The following CFP variants were observed in gnomAD, a reference collection of about 807,000 sequenced individuals.
CFP encodes the protein complement factor properdin, also known as properdin.
Under a neutral mutation model 42.1 loss-of-function variants are expected in CFP, and 14 were observed. The ratio of observed to expected loss-of-function variants is 0.33; its 90% CI spans 0.22 to 0.52. The LOEUF (loss-of-function observed/expected upper bound fraction) is 0.52, where lower values mean the gene tolerates loss of function less well. Among genes scored for constraint, CFP ranks in the 20% least tolerant of loss-of-function variants. The pLI, the probability that CFP is intolerant of heterozygous loss-of-function variation, is 0.96. For synonymous variants in CFP, 149 were observed against 160.6 expected, an observed-to-expected ratio of 0.93 and a Z score of 0.54; for missense variants, 318 against 400.4, an observed-to-expected ratio of 0.79 and a Z score of 1.76.
At chrX:47,624,618 A>T (rs1192314252) in intron 8 of CFP, 178 bp from the exon 9 acceptor site, 1 of 399,854 alleles carries the variant, frequency 2.5e-6, no homozygotes, top group African/African-American at 2.9e-5. Flanking sequence ...GCAGTGGCAC[A>T]ATCATAGCTC....
chrX:47,625,266 A>C (rs999113595), intron 8 of CFP: 2 of 111,554 alleles, frequency 1.8e-5, no homozygotes, highest in African/African-American at 6.6e-5. Flanking sequence ...TCTAATCTTC[A>C]GGCCCCACTC....
At chrX:47,628,042 A>G in intron 3 of CFP, 60 bp downstream of exon 3, 1 of 1,172,943 alleles carries the variant, frequency 8.5e-7, no homozygotes, top group East Asian at 3.0e-5. Flanking sequence ...CTCTGTACCG[A>G]TCGTTCCCAC....
In CFP at chrX:47,627,410, T is replaced by C. The variant is rs911577068; in HGVS notation, c.574+61A>G. Reference sequence around the variant, plus strand: ...TCCTCTCAGCCTGGCAGTTCCCTGCTGTAACCCCGCAGACCCACGCTGGGT... The same window carrying C: ...TCCTCTCAGCCTGGCAGTTCCCTGCCGTAACCCCGCAGACCCACGCTGGGT... On this transcript the variant is annotated intron_variant, in intron 4 of 8. Transcript: ENST00000396992. 2.5e-6 allele frequency: 3 copies of C among 1,200,556 alleles called. No homozygotes were observed. The African/African-American group carries it at 5.2e-5, about 21-fold the overall frequency.
At chrX:47,626,694 G>A (rs2057969808) in intron 6 of CFP, 79 bp downstream of exon 6, 4 of 1,108,171 alleles carry the variant, frequency 3.6e-6, no homozygotes, top group African/African-American at 3.6e-5. Context: ...CAGGAACAAG[G>A]CCTCAGCAGC....
chrX:47,627,134 G>C lies in CFP; in HGVS notation c.766+7C>G. 1 of 1,211,098 alleles carries C rather than the reference G, an allele frequency of 8.3e-7. No homozygotes were observed. Among genetic ancestry groups the C allele is most frequent in the Non-Finnish European group, 1.1e-6 (1 of 894,863 alleles). ...CCAGCAACATCAGCAGCCTCATCCT[G>C]GTGTACCTGGGCAGGGTGGCAGGCC... On this transcript the variant is annotated splice_region_variant and intron_variant, in intron 5 of 8. Transcript: ENST00000396992.
In CFP at chrX:47,625,836, T is replaced by A. The variant is rs767499808; in HGVS notation, c.1244+222A>T. 1.6e-5 allele frequency: 7 copies of A among 446,961 alleles called. No homozygotes were observed. In the East Asian group the frequency reaches 2.7e-4, roughly 17 times the overall value. The allele number at this position is 446,961 out of a possible 1,213,427, so 36.8% of individuals were successfully genotyped here. A position where few individuals can be genotyped will look rare whatever the true frequency, so the allele number is the denominator to read the frequency against. On this transcript the variant is annotated intron_variant, in intron 8 of 8. Coordinates refer to ENST00000396992, the MANE Select transcript of CFP (RefSeq NM_001145252.3). Reference sequence around the variant, plus strand: ...ACACATGAAGGACTAAGTGGATGAGTGACTGAACAGGTGACTGAGGGGCAC... The same window carrying A: ...ACACATGAAGGACTAAGTGGATGAGAGACTGAACAGGTGACTGAGGGGCAC...
In CFP at chrX:47,627,343, G is replaced by A. The variant is rs1159071589; in HGVS notation, c.575-11C>T. The A allele has an allele frequency of 5.0e-6, 6 of 1,188,496 alleles. No individual in the cohort carries two copies. The highest frequency in any genetic ancestry group is 6.8e-6 in the Non-Finnish European group (6 of 881,185). ...CCCAGGCCCCGTGTGCTGTGGTGGG[G>A]TGGGAGGTGGAGGGATGCAGGTGTG... On this transcript the variant is annotated splice_polypyrimidine_tract_variant and intron_variant, in intron 4 of 8. Transcript: ENST00000396992.
chrX:47,623,982 G>C lies in CFP; in HGVS notation c.*293C>G, dbSNP rs966412285. The C allele has an allele frequency of 8.8e-6, 3 of 340,594 alleles. No homozygotes were observed. The highest frequency in any genetic ancestry group is 9.3e-5 in the Admixed American group (2 of 21,460). The allele number at this position is 340,594 out of a possible 1,213,427, so 28.1% of individuals were successfully genotyped here. On this transcript the variant is annotated 3_prime_UTR_variant, in exon 9 of 9. Transcript: ENST00000396992. ...TGCCGGGCGGCCCTGAGGCTCTAAG[G>C]GGGCTGCGCAGGGCCCAGACATTGG...
chrX:47,624,566 T>TC, intron 8 of CFP, 126 bp from the exon 9 acceptor site: 1 of 604,265 alleles, frequency 1.7e-6, no homozygotes, highest in East Asian at 3.7e-5. Context: ...TTTCCTTTTT[T>TC]TTTTTTGAGG....
Position 47,627,543 on chromosome X carries a change from G to A in CFP, c.502C>T (p.Pro168Ser), listed in dbSNP as rs763903539. ...TRRRACNHPA[P>S]KCGGHCPGQA... is the part of the protein sequence containing the mutation. ...CCTGGGCAGTGGCCCCCACACTTGG[G>A]AGCAGGGTGATTACAGGCTCGCCTG... The change falls in exon 4 of 9, where the codon CCC becomes TCC. Residue 168 changes from proline (P) to serine (S), a missense_variant. Coordinates refer to ENST00000396992, the MANE Select transcript of CFP (RefSeq NM_001145252.3). 3 of 1,210,377 alleles carry A rather than the reference G, an allele frequency of 2.5e-6. No individual in the cohort carries two copies. Among genetic ancestry groups the A allele is most frequent in the Non-Finnish European group, 3.4e-6 (3 of 894,771 alleles).
At chrX:47,626,730 A>AG in intron 6 of CFP, 43 bp downstream of exon 6, 2 of 1,176,037 alleles carry the variant, frequency 1.7e-6, no homozygotes, top group Non-Finnish European at 2.3e-6. Flanking sequence ...GAGAAGGGCA[A>AG]GGGGGACTTA....
rs8177077 is a variant in CFP, at chrX:47,627,159, C to T, written c.748G>A (p.Gly250Ser). The T allele has an allele frequency of 7.4e-4, 896 of 1,210,675 alleles. 2 individuals carry two copies. The African/African-American group carries it at 0.011, about 15-fold the overall frequency. ...GLAYEQRRCTGLPPCPVAGGW... is the reference protein window; with the variant it reads ...GLAYEQRRCTSLPPCPVAGGW... ...GGTGTACCTGGGCAGGGTGGCAGGC[C>T]GGTGCACCTCCGCTGCTCGTAGGCT... Residue 250 changes from glycine to serine, a missense_variant, in exon 5 of 9, where the codon GGC (glycine) becomes AGC (serine). Coordinates refer to ENST00000396992, the MANE Select transcript of CFP (RefSeq NM_001145252.3).
In CFP at chrX:47,627,452, TG is replaced by T. The variant is rs1253782215; in HGVS notation, c.574+18del. 4 of 1,210,172 alleles carry T rather than the reference TG, an allele frequency of 3.3e-6. No individual in the cohort carries two copies. The highest frequency in any genetic ancestry group is 4.6e-4 in the Middle Eastern group (2 of 4,368). On this transcript the variant is annotated intron_variant, in intron 4 of 8. Coordinates refer to ENST00000396992, the MANE Select transcript of CFP (RefSeq NM_001145252.3). ...ACGCTGGGTGCACCCATCAGCATCC[TG>T]TGGCTTCCCTCACTCACTGGGGCAG...
Position 47,626,122 on chromosome X carries a change from G to T in CFP, c.1180C>A (p.Pro394Thr). ...EWSTWGLCMP[P>T]CGPNPTRARQ... is the part of the protein sequence containing the mutation. ...GCACGGGTAGGATTAGGTCCACAGG[G>T]GGGCATGCACAGCCCCCAGGTACTC... Residue 394 changes from proline to threonine, a missense_variant, in exon 8 of 9, where the codon CCC becomes ACC. Transcript: ENST00000396992. 8.5e-7 allele frequency: 1 copy of T among 1,180,051 alleles called. No individual in the cohort carries two copies. Among genetic ancestry groups the T allele is most frequent in the East Asian group, 3.1e-5 (1 of 32,151 alleles).
chrX:47,630,185 T>A, upstream of CFP: 1 of 299,765 alleles, frequency 3.3e-6, no homozygotes, highest in Non-Finnish European at 6.0e-6. Context: ...TGACCTTGGG[T>A]GAGTCACTTA....
chrX:47,624,442 TG>T lies in CFP; in HGVS notation c.1245-3del. ...CCTTCGACCATGGAAACGGTGGGCC[TG>T]AGGCATTAGGGGTGGGGAGGAACGG... On this transcript the variant is annotated splice_region_variant and splice_polypyrimidine_tract_variant and intron_variant, in intron 8 of 8. Transcript: ENST00000396992. 1 of 1,207,042 alleles carries T rather than the reference TG, an allele frequency of 8.3e-7. No individual in the cohort carries two copies. Among genetic ancestry groups the T allele is most frequent in the Non-Finnish European group, 1.1e-6 (1 of 892,933 alleles).
chrX:47,627,051 A>T (rs2057971645), intron 5 of CFP, 90 bp downstream of exon 5: 1 of 1,152,448 alleles, frequency 8.7e-7, no homozygotes, highest in Non-Finnish European at 1.2e-6. Context: ...CTGCATGGTC[A>T]CATGGCCTAG....
At position 47,629,694 on chromosome X, in the gene CFP, T is replaced by TTTG; in HGVS notation, c.77-21_77-20insCAA. On this transcript the variant is annotated intron_variant, in intron 1 of 8. Coordinates refer to ENST00000396992, the MANE Select transcript of CFP (RefSeq NM_001145252.3). ...CTGAGCCTGTAACAGGGCCAGGGGA[T>TTTG]GGGTGGGTGGGGCTCGGTCAGGGAT... 3.1e-6 allele frequency: 1 copy of TTTG among 327,382 alleles called. No homozygotes were observed. Among genetic ancestry groups the TTTG allele is most frequent in the Non-Finnish European group, 5.8e-6 (1 of 171,137 alleles). 27.0% of individuals were successfully genotyped at this position (327,382 alleles called of 1,213,427 possible). A position where few individuals can be genotyped will look rare whatever the true frequency, so the allele number is the denominator to read the frequency against.
intron 8 of CFP, 146 bp downstream of exon 8, chrX:47,625,912 T>C (rs2057966081): frequency 1.9e-6 from 1 of 521,141 alleles, no homozygotes; most frequent in African/African-American, 2.3e-5. Context: ...TCTTAGTTTC[T>C]CCCCACTTCC....
Sources: allele counts gnomAD v4.1 joint callset, GRCh38; gene constraint gnomAD v4.1.1; transcripts MANE v1.5; gene names NCBI Gene and HGNC (gene_info 2026-07-23, HGNC 2026-07-21).